SNX5: variants seen among roughly 807,000 people sequenced by gnomAD.
The protein encoded by SNX5 is sorting nexin-5.
SNX5 carries 31 observed loss-of-function variants against 53.9 expected under a neutral mutation model. That is an observed-to-expected ratio of 0.58 (90% CI 0.43 to 0.78). The LOEUF is 0.78. Ranked by LOEUF, SNX5 falls within the 30% of genes least tolerant of loss-of-function variation. The pLI is 0.00. For missense variants in SNX5, 471 were observed against 478.8 expected, an observed-to-expected ratio of 0.98 and a Z score of 0.15; for synonymous variants, 168 against 171.1, an observed-to-expected ratio of 0.98 and a Z score of 0.14.
At chr20:17,956,573 G>A (rs374630900) in intron 2 of SNX5, among the ~76,000 whole-genome samples, 2 of 150,790 alleles carry the variant, frequency 1.3e-5, no homozygotes, top group African/African-American at 4.9e-5. Context: ...TACTCTGGTG[G>A]CTGAGGCAGG....
intron 11 of SNX5, chr20:17,945,573 A>G (rs1440224093): frequency 1.3e-5 from 2 of 152,038 alleles, no homozygotes; most frequent in Non-Finnish European, 2.9e-5. Context: ...TAAGATTTCA[A>G]CTCAGTAGTT....
intron 4 of SNX5, 129 bp downstream of exon 4, chr20:17,953,867 C>G (rs535521074): frequency 6.8e-6 from 5 of 735,582 alleles, no homozygotes; most frequent in Non-Finnish European, 9.1e-6. Context: ...TTTTAGAAAA[C>G]GACGCTAGGG....
intron 1 of SNX5, among the ~76,000 whole-genome samples, chr20:17,965,945 A>G (rs1477618706): frequency 2.0e-5 from 3 of 152,062 alleles, no homozygotes; most frequent in Non-Finnish European, 4.4e-5. Flanking sequence ...ATACTAACCA[A>G]CTGCACTCCA....
intron 1 of SNX5, 98 bp downstream of exon 1, chr20:17,968,277 G>A (rs746175440): frequency 5.8e-6 from 6 of 1,039,326 alleles, no homozygotes; most frequent in East Asian, 3.2e-5. Flanking sequence ...GGATGGCGGC[G>A]AGCAGCCACG....
chr20:17,956,963 T>G lies in SNX5; in HGVS notation c.126A>C (p.Arg42Ser). 6.2e-7 allele frequency: 1 copy of G among 1,604,548 alleles called. No homozygotes were observed. Among genetic ancestry groups the G allele is most frequent in the East Asian group, 2.2e-5 (1 of 44,840 alleles). Residue 42 changes from arginine (R) to serine (S), a missense_variant, in exon 2 of 13, where the codon AGA becomes AGC. Coordinates refer to ENST00000377759, the MANE Select transcript of SNX5 (RefSeq NM_014426.4). ...QIDIPDALSERDKVKFTVHTK... is the reference protein window; with the variant it reads ...QIDIPDALSESDKVKFTVHTK... ...TGTGCACTGTAAATTTGACTTTGTC[T>G]CTCTCACTGAGCGCATCAGGTATGT...
chr20:17,943,457 A>T, intron 11 of SNX5: 1 of 420,702 alleles, frequency 2.4e-6, no homozygotes, highest in African/African-American at 2.0e-5. Flanking sequence ...TATGACTTGG[A>T]GAACACGTTG....
At chr20:17,961,544 A>G (rs2035449517) in intron 1 of SNX5, 2 of 984,196 alleles carry the variant, frequency 2.0e-6, no homozygotes, top group African/African-American at 3.5e-5. Context: ...AATGTAAGAC[A>G]TGGATACAAT....
intron 1 of SNX5, among the ~76,000 whole-genome samples, chr20:17,958,442 C>CT (rs2035398397): frequency 6.6e-6 from 1 of 152,118 alleles, no homozygotes; most frequent in Non-Finnish European, 1.5e-5. Context: ...CAAGTACTCC[C>CT]TTTTTCCTTA....
intron 2 of SNX5, among the ~76,000 whole-genome samples, chr20:17,956,084 C>A (rs915573084): frequency 5.9e-5 from 9 of 152,146 alleles, no homozygotes; most frequent in Admixed American, 3.9e-4. Flanking sequence ...GCCCCAAATT[C>A]TATTTTTGTA....
At chr20:17,968,101 T>A (rs2035588789) in intron 1 of SNX5, 4 of 398,630 alleles carry the variant, frequency 1.0e-5, no homozygotes, top group Admixed American at 4.4e-5. Context: ...CCAGAGATCA[T>A]CTCTCCAAGT....
intron 1 of SNX5, chr20:17,961,659 C>A (rs1321487574): frequency 3.0e-6 from 3 of 984,646 alleles, no homozygotes; most frequent in Non-Finnish European, 3.6e-6. Context: ...AGTTTCCATT[C>A]CAAAAGCAGA....
chr20:17,964,693 TAC>T (rs1374048270), intron 1 of SNX5, among the ~76,000 whole-genome samples: 21 of 152,250 alleles, frequency 1.4e-4, no homozygotes, highest in African/African-American at 4.6e-4. Context: ...TTAACTTCAC[TAC>T]ACACTGTTGT....
chr20:17,947,674 C>T, intron 10 of SNX5, 29 bp from the exon 11 acceptor site: 1 of 1,592,152 alleles, frequency 6.3e-7, no homozygotes, highest in Non-Finnish European at 8.5e-7. Context: ...GGTATACATA[C>T]TAAGTATCTA....
At chr20:17,944,452 C>T (rs2039458855) in intron 11 of SNX5, 2 of 152,194 alleles carry the variant, frequency 1.3e-5, no homozygotes, top group Admixed American at 1.3e-4. Flanking sequence ...AAACTTAAAA[C>T]ATTTTTAAAT....
chr20:17,961,079 G>T, intron 1 of SNX5: 1 of 946,868 alleles, frequency 1.1e-6, no homozygotes, highest in Non-Finnish European at 1.3e-6. Flanking sequence ...TTTGGTAAGA[G>T]AGCCAAGGCA....
At position 17,953,651 on chromosome 20, in the gene SNX5, C is replaced by T. The variant is rs186470972; in HGVS notation, c.389+345G>A. 2.6e-5 allele frequency among the ~76,000 whole-genome samples: 4 copies of T among 152,256 alleles called. No individual in the cohort carries two copies. In the East Asian group the frequency reaches 5.8e-4, roughly 22 times the overall value. The stretch of plus-strand genomic sequence containing the variant: ...TCTCAACGTCTAGTAACCAAGCTTC[C>T]GAAAGAAAAGCTTTGTACATTATGA... On this transcript the variant is annotated intron_variant, in intron 4 of 12. Transcript: ENST00000377759.
At chr20:17,967,003 G>A (rs4519603) in intron 1 of SNX5, among the ~76,000 whole-genome samples, 105,311 of 152,078 alleles carry the variant, frequency 0.69, 36,805 homozygotes, top group African/African-American at 0.79. Flanking sequence ...AACTCTCTTC[G>A]CTACAGATAC....
intron 8 of SNX5, among the ~76,000 whole-genome samples, chr20:17,949,533 G>A (rs901073180): frequency 2.6e-5 from 4 of 152,156 alleles, no homozygotes; most frequent in African/African-American, 7.2e-5. Context: ...GTAAAATATT[G>A]TCTTACACCA....
chr20:17,965,008 TCA>T (rs1316280745), intron 1 of SNX5, among the ~76,000 whole-genome samples: 7 of 152,294 alleles, frequency 4.6e-5, no homozygotes, highest in Admixed American at 2.0e-4. Context: ...AGCTTTATTC[TCA>T]CAAAGATATC....
Sources: allele counts gnomAD v4.1 joint callset (sites outside exome capture counted in the v4.1 genomes callset), GRCh38; gene constraint gnomAD v4.1.1; transcripts MANE v1.5; gene names NCBI Gene and HGNC (gene_info 2026-07-23, HGNC 2026-07-21).